BOD1L1: variants seen among roughly 807,000 people sequenced by gnomAD.
The protein encoded by BOD1L1 is biorientation of chromosomes in cell division 1 like 1, also known as biorientation of chromosomes in cell division protein 1-like 1.
BOD1L1 carries 86 observed loss-of-function variants against 240.7 expected under a neutral mutation model. The observed-to-expected ratio is 0.36, with a 90% CI of 0.30 to 0.43. BOD1L1 has a LOEUF of 0.43. BOD1L1 is among the 20% of genes least tolerant of loss of function. BOD1L1 has a pLI of 1.00. For synonymous variants in BOD1L1, 1,268 were observed against 1,272.3 expected, an observed-to-expected ratio of 1.00 and a Z score of 0.07; for missense variants, 3,554 against 3,643.5, an observed-to-expected ratio of 0.98 and a Z score of 0.63.
rs770510389 is a variant in BOD1L1 at position 13,577,383 on chromosome 4, A to G, written c.8884+20T>C. The G allele has an allele frequency of 2.1e-5, 34 of 1,605,376 alleles. No homozygotes were observed. The highest frequency in any genetic ancestry group is 2.8e-5 in the Non-Finnish European group (33 of 1,176,320). On this transcript the variant is annotated intron_variant, in intron 24 of 25. Coordinates refer to ENST00000040738, the MANE Select transcript of BOD1L1 (RefSeq NM_148894.3). ...GGTTTTGAAACAATAAGACTTATTA[A>G]GAATTTGCTAGAAACATACCAGCAT...
intron 7 of BOD1L1, among the ~76,000 whole-genome samples, chr4:13,608,888 A>C (rs1577364454): frequency 6.6e-6 from 1 of 152,196 alleles, no homozygotes; most frequent in African/African-American, 2.4e-5. Context: ...CATATATTAC[A>C]TAGGATTAGT....
chr4:13,608,766 C>T lies in BOD1L1; in HGVS notation c.1604-98G>A, dbSNP rs1715931169. 5 of 1,024,016 alleles carry T rather than the reference C, an allele frequency of 4.9e-6. No homozygotes were observed. The South Asian group carries it at 1.2e-4, about 25-fold the overall frequency. The allele number at this position is 1,024,016 out of a possible 1,614,324, so 63.4% of individuals were successfully genotyped here. On this transcript the variant is annotated intron_variant, in intron 7 of 25. Transcript: ENST00000040738. ...AGATTTTTCTAATCATTGTTAAAGC[C>T]AAAATGGCTTTAATATTCTTAAGTT...
chr4:13,574,988 C>T (rs1469071245), intron 25 of BOD1L1, among the ~76,000 whole-genome samples: 1 of 151,326 alleles, frequency 6.6e-6, no homozygotes, highest in African/African-American at 2.4e-5. Flanking sequence ...GGCGTGATCT[C>T]GGCTCACTGC....
intron 3 of BOD1L1, 30 bp from the exon 4 acceptor site, chr4:13,614,840 A>AG: frequency 6.4e-7 from 1 of 1,552,364 alleles, no homozygotes. Flanking sequence ...TTTAGAATAC[A>AG]TTTAATCAGA....
chr4:13,620,042 C>A lies in BOD1L1; in HGVS notation c.269G>T (p.Arg90Leu), dbSNP rs1448029993. 1 of 1,607,204 alleles carries A rather than the reference C, an allele frequency of 6.2e-7. No homozygotes were observed. The highest frequency in any genetic ancestry group is 8.5e-7 in the Non-Finnish European group (1 of 1,176,414). ...GTGATTTGCAACAAAGTTGTCAACACGCTGTCTCAGATTCTGATACGCAGG... is the reference window on the plus strand; with the variant it reads ...GTGATTTGCAACAAAGTTGTCAACAAGCTGTCTCAGATTCTGATACGCAGG... ...TKPAYQNLRQ[R>L]VDNFVANHLA... The change falls in exon 2 of 26, where the codon CGT becomes CTT. Residue 90 changes from arginine to leucine, a missense_variant. By Grantham distance (102) the Arg-to-Leu change is moderately radical (BLOSUM62 -2). Around this residue, in one of 2 missense-constraint regions of BOD1L1, gnomAD observed 161 missense variants for 216.4 expected, o/e 0.74. Coordinates refer to ENST00000040738, the MANE Select transcript of BOD1L1 (RefSeq NM_148894.3).
chr4:13,593,797 T>C (rs1274290243), intron 12 of BOD1L1, among the ~76,000 whole-genome samples: 2 of 152,216 alleles, frequency 1.3e-5, no homozygotes, highest in African/African-American at 4.8e-5. Context: ...CCAATCCAAC[T>C]ACAGTAGACA....
chr4:13,574,901 T>C (rs1225518508), intron 25 of BOD1L1, among the ~76,000 whole-genome samples: 1 of 128,928 alleles, frequency 7.8e-6, no homozygotes, highest in African/African-American at 2.5e-5. Context: ...AACAGATTGA[T>C]TTTAAGTTTT....
intron 25 of BOD1L1, among the ~76,000 whole-genome samples, chr4:13,572,190 G>A (rs1308674970): frequency 6.6e-6 from 1 of 152,208 alleles, no homozygotes; most frequent in African/African-American, 2.4e-5. Context: ...AAGCGGGACG[G>A]AAAGGATCTG....
In BOD1L1 at chr4:13,627,443, C is replaced by A. The variant is rs775303629; in HGVS notation, c.145G>T (p.Gly49Trp). 8.6e-6 allele frequency: 11 copies of A among 1,278,894 alleles called. No homozygotes were observed. Among genetic ancestry groups the A allele is most frequent in the Non-Finnish European group, 1.1e-5 (11 of 999,052 alleles). The allele number at this position is 1,278,894 out of a possible 1,614,324, so 79.2% of individuals were successfully genotyped here. The change falls in exon 1 of 26, where the codon GGG (glycine) becomes TGG (tryptophan). Residue 49 changes from glycine to tryptophan, a missense_variant. Gly to Trp is a radical substitution (Grantham distance 184). Transcript: ENST00000040738. ...ATCATGGCCACGAGCTGCGGGTCCC[C>A]GGCGCCCGCACCCGCGCCGCCCGCC... ...GGAGGAGAGA[G>W]DPQLVAMIVN...
At position 13,600,670 on chromosome 4, in the gene BOD1L1, G is replaced by T. The variant is rs145519675; in HGVS notation, c.6230C>A (p.Thr2077Asn). The T allele has an allele frequency of 1.9e-6, 3 of 1,613,824 alleles. No individual in the cohort carries two copies. The highest frequency in any genetic ancestry group is 2.7e-5 in the African/African-American group (2 of 74,890). ...QGKVLIISTSTTNDYTPQVSA... is the reference protein window; with the variant it reads ...QGKVLIISTSNTNDYTPQVSA... Reference sequence around the variant, plus strand: ...TACCTGAGGGGTGTAATCATTTGTGGTACTGGTGGAAATAATCAAAACTTT... The same window carrying T: ...TACCTGAGGGGTGTAATCATTTGTGTTACTGGTGGAAATAATCAAAACTTT... Residue 2077 changes from threonine (T) to asparagine (N), a missense_variant, in exon 10 of 26, where the codon ACC becomes AAC. By Grantham distance (65) the Thr-to-Asn change is moderately conservative. Transcript: ENST00000040738.
chr4:13,605,587 A>T (rs1715623884), intron 9 of BOD1L1, among the ~76,000 whole-genome samples: 1 of 152,182 alleles, frequency 6.6e-6, no homozygotes, highest in Non-Finnish European at 1.5e-5. Context: ...TTCAATTCTG[A>T]ATCACTAGAA....
At position 13,603,337 on chromosome 4, in the gene BOD1L1, C is replaced by T. The variant is rs780417401; in HGVS notation, c.3563G>A (p.Gly1188Glu). 9.3e-6 allele frequency: 15 copies of T among 1,613,892 alleles called. No homozygotes were observed. Among genetic ancestry groups the T allele is most frequent in the Non-Finnish European group, 1.3e-5 (15 of 1,179,912 alleles). ...ATGCTTTTCAGAATTACTATTAACT[C>T]CTGTTCCACGGCCTGGCTTATAAGC... ...APAYKPGRGT[G>E]VNSNSEKHAD... The change falls in exon 10 of 26, where the codon GGA becomes GAA. Residue 1188 changes from glycine to glutamate, a missense_variant. This residue lies in a region of BOD1L1 where 3,393 missense variants were observed against 3,427.1 expected (regional missense o/e 0.99). Coordinates refer to ENST00000040738, the MANE Select transcript of BOD1L1 (RefSeq NM_148894.3).
chr4:13,600,627 C>T lies in BOD1L1; in HGVS notation c.6273G>A (p.Val2091=), dbSNP rs1715054162. ...TCAGAGCATCTGAGAGACCTCCTTCCACATCTGTAATTGCGCTTACCTGAG... is the reference window on the plus strand; with the variant it reads ...TCAGAGCATCTGAGAGACCTCCTTCTACATCTGTAATTGCGCTTACCTGAG... ...YTPQVSAITD[V]EGGLSDALRT... Residue 2091 remains valine, a synonymous_variant, in exon 10 of 26, where the codon GTG becomes GTA. Transcript: ENST00000040738. 1 of 1,613,752 alleles carries T rather than the reference C, an allele frequency of 6.2e-7. No homozygotes were observed. Among genetic ancestry groups the T allele is most frequent in the Non-Finnish European group, 8.5e-7 (1 of 1,179,850 alleles).
chr4:13,577,063 G>C, intron 24 of BOD1L1, 72 bp from the exon 25 acceptor site: 1 of 1,531,550 alleles, frequency 6.5e-7, no homozygotes, highest in Admixed American at 2.1e-5. Flanking sequence ...GAGTCATGGA[G>C]TTTAGAACTT....
At chr4:13,616,189 G>A (rs1716583299) in intron 2 of BOD1L1, among the ~76,000 whole-genome samples, 1 of 152,204 alleles carries the variant, frequency 6.6e-6, no homozygotes, top group South Asian at 2.1e-4. Context: ...TCTGGATGGG[G>A]ATGTAGACAC....
chr4:13,584,363 T>A (rs11505069), intron 17 of BOD1L1, among the ~76,000 whole-genome samples: 60 of 151,034 alleles, frequency 4.0e-4, no homozygotes, highest in South Asian at 8.4e-4. Context: ...TGTGTGTGTG[T>A]GAGAGAGAGA....
chr4:13,627,299 G>T, intron 1 of BOD1L1, 46 bp downstream of exon 1: 1 of 1,142,644 alleles, frequency 8.8e-7, no homozygotes, highest in Non-Finnish European at 1.1e-6. Context: ...GCGCCCTTGG[G>T]TCCTCCCCTT....
In BOD1L1 at chr4:13,615,359, T is replaced by G; in HGVS notation, c.512A>C (p.Asn171Thr). The G allele has an allele frequency of 6.2e-7, 1 of 1,613,644 alleles. No homozygotes were observed. The highest frequency in any genetic ancestry group is 8.5e-7 in the Non-Finnish European group (1 of 1,179,704). The change falls in exon 3 of 26, where the codon AAC becomes ACC. Residue 171 changes from asparagine (N) to threonine (T), a missense_variant. Coordinates refer to ENST00000040738, the MANE Select transcript of BOD1L1 (RefSeq NM_148894.3). ...TLNHKEEGSG[N>T]TAPDDEKPDT... ...TGGTTTCTCATCATCGGGAGCTGTG[T>G]TGCCACTTCCTTCCTCTTTGTGATT... is the stretch of plus-strand genomic sequence containing the variant.
intron 22 of BOD1L1, 78 bp from the exon 23 acceptor site, chr4:13,577,709 G>T: frequency 2.8e-6 from 3 of 1,074,150 alleles, no homozygotes; most frequent in African/African-American, 1.6e-5. Flanking sequence ...TGGCTTGTCT[G>T]TCAATGTATC....
Sources: allele counts gnomAD v4.1 joint callset (sites outside exome capture counted in the v4.1 genomes callset), GRCh38; gene constraint gnomAD v4.1.1; regional missense constraint gnomAD v4.1.1; transcripts MANE v1.5; gene names NCBI Gene and HGNC (gene_info 2026-07-23, HGNC 2026-07-21).